SH3D21: variants seen among roughly 807,000 people sequenced by gnomAD.
SH3D21 encodes the protein SH3 domain-containing protein 21.
Under a neutral mutation model 82.1 loss-of-function variants are expected in SH3D21, and 83 were observed. The ratio of observed to expected loss-of-function variants is 1.01; its 90% CI spans 0.85 to 1.21. The LOEUF is 1.21. SH3D21 is among the 50% of genes most tolerant of loss of function. SH3D21 has a pLI of 0.00. For missense variants in SH3D21, 980 were observed against 962.1 expected (o/e 1.02, Z -0.25); for synonymous variants, 383 against 387.8 (o/e 0.99, Z 0.15).
At chr1:36,318,996 A>G (rs1254957150) in intron 10 of SH3D21, 75 bp from the exon 11 acceptor site, 3 of 851,072 alleles carry the variant, frequency 3.5e-6, no homozygotes, top group Non-Finnish European at 3.9e-6. Context: ...CCTCCTGCCC[A>G]TAGTCCCCTG....
At chr1:36,329,704 GAA>G (rs891837215), downstream of SH3D21, among the ~76,000 whole-genome samples, 1 of 148,960 alleles carries the variant, frequency 6.7e-6, no homozygotes, top group African/African-American at 2.5e-5. Flanking sequence ...TGAACACAAT[GAA>G]AAAAAAAATG....
At chr1:36,311,648 A>G (rs1445403978) in intron 10 of SH3D21, among the ~76,000 whole-genome samples, 2 of 152,098 alleles carry the variant, frequency 1.3e-5, no homozygotes, top group Admixed American at 6.6e-5. Flanking sequence ...GAGTTGTTCC[A>G]GCATCATTTA....
downstream of SH3D21, chr1:36,323,144 C>G (rs559171733): frequency 1.3e-5 from 17 of 1,259,292 alleles, no homozygotes; most frequent in Non-Finnish European, 1.7e-5. Flanking sequence ...GCTCCTCTCC[C>G]GGGAGCCGCG....
chr1:36,308,003 C>T, intron 7 of SH3D21, 40 bp downstream of exon 7: 2 of 1,551,392 alleles, frequency 1.3e-6, no homozygotes, highest in Non-Finnish European at 1.7e-6. Context: ...CCCTCAGCCA[C>T]TCCCAAGGTT....
rs1413739545 is a variant in SH3D21 at position 36,307,255 on chromosome 1, A to T, written c.315A>T (p.Gln105His). The T allele has an allele frequency of 6.4e-7, 1 of 1,551,826 alleles. No homozygotes were observed. Among genetic ancestry groups the T allele is most frequent in the Admixed American group, 2.0e-5 (1 of 51,012 alleles). ...AGCAGGCGGACGAGCTGAAGCTGCA[A>T]GCTGGGGAGATCGTGGAAATGATAA... is the stretch of plus-strand genomic sequence containing the variant. ...SPEQADELKL[Q>H]AGEIVEMIKE... The change falls in exon 4 of 16, where the codon CAA becomes CAT. Residue 105 changes from glutamine to histidine, a missense_variant. By Grantham distance (24) the Gln-to-His change is conservative. Transcript: ENST00000453908. This position sits in a 1 kb window ranked among gnomAD's most constrained non-coding sequence, Gnocchi z 5.4.
At chr1:36,322,167 G>T, downstream of SH3D21, 2 of 1,358,520 alleles carry the variant, frequency 1.5e-6, no homozygotes, top group Non-Finnish European at 1.9e-6. Flanking sequence ...GCCTCTCAGG[G>T]GGTGGCGGTC....
chr1:36,307,599 G>T lies in SH3D21; in HGVS notation c.428G>T (p.Gly143Val). Residue 143 changes from glycine (G) to valine (V), a missense_variant, in exon 5 of 16, where the codon GGG becomes GTG. Gly to Val is a moderately radical substitution (Grantham distance 109). Transcript: ENST00000453908. The surrounding 1 kb of genome is among the most constrained non-coding windows in gnomAD (Gnocchi z 5.4). Reference protein sequence around the residue: ...PSNFVELLDSGPPSLGNPDMP... With the variant: ...PSNFVELLDSVPPSLGNPDMP... ...AACTTTGTGGAATTGCTGGACAGTGGGCCCCCAAGTGAGACCTCGACTCTG... is the reference window on the plus strand; with the variant it reads ...AACTTTGTGGAATTGCTGGACAGTGTGCCCCCAAGTGAGACCTCGACTCTG... 2 of 1,551,560 alleles carry T rather than the reference G, an allele frequency of 1.3e-6. No homozygotes were observed. Among genetic ancestry groups the T allele is most frequent in the South Asian group, 2.4e-5 (2 of 84,046 alleles).
downstream of SH3D21, chr1:36,322,036 A>C (rs1161541332): frequency 3.1e-6 from 4 of 1,296,922 alleles, no homozygotes; most frequent in Non-Finnish European, 3.9e-6. Flanking sequence ...TGAGTCACTG[A>C]GAATGCAGCT....
Position 36,309,679 on chromosome 1 carries a change from G to C in SH3D21, c.769+89G>C, listed in dbSNP as rs556912993. ...TATAAACACCCACAGCACCCCAGTG[G>C]TCCAGTATGCCCCTATAGGAGCCCC... On this transcript the variant is annotated intron_variant, in intron 10 of 15. Transcript: ENST00000453908. The C allele has an allele frequency of 6.9e-6, 10 of 1,446,996 alleles. No homozygotes were observed. The East Asian group carries it at 2.5e-4, about 36-fold the overall frequency. The allele number at this position is 1,446,996 out of a possible 1,614,324, so 89.6% of individuals were successfully genotyped here.
downstream of SH3D21, chr1:36,322,771 G>A (rs763397436): frequency 4.5e-4 from 691 of 1,529,630 alleles, no homozygotes; most frequent in Non-Finnish European, 5.8e-4. Flanking sequence ...GGACGGGTGG[G>A]GGTTGTCCCA....
At chr1:36,312,561 ATT>A (rs946965501) in intron 10 of SH3D21, among the ~76,000 whole-genome samples, 1 of 152,162 alleles carries the variant, frequency 6.6e-6, no homozygotes, top group African/African-American at 2.4e-5. Flanking sequence ...GTGAATAATA[ATT>A]TTTGTGTCAT....
At chr1:36,323,849 C>T (rs1646512139), downstream of SH3D21, 1 of 152,252 alleles carries the variant, frequency 6.6e-6, no homozygotes, top group Non-Finnish European at 1.5e-5. Flanking sequence ...GCTCTGCCTG[C>T]GTGCGGGCCA....
chr1:36,326,520 G>A (rs899456870), downstream of SH3D21, among the ~76,000 whole-genome samples: 10 of 152,186 alleles, frequency 6.6e-5, no homozygotes, highest in Admixed American at 2.6e-4. Flanking sequence ...GTGAGCCACC[G>A]TGCCCGGCCA....
Position 36,319,924 on chromosome 1 carries a change from A to T in SH3D21, c.1261A>T (p.Thr421Ser), listed in dbSNP as rs200247336. ...AGTCCCCACCCCAGAGAAGATGGTG[A>T]CTCCGGAGGACAAGGCTTCTATCCC... ...DKVPTPEKMV[T>S]PEDKASIPEN... The change falls in exon 14 of 16, where the codon ACT becomes TCT. Residue 421 changes from threonine (T) to serine (S), a missense_variant. By Grantham distance (58) the Thr-to-Ser change is moderately conservative. Coordinates refer to ENST00000453908, the MANE Select transcript of SH3D21 (RefSeq NM_001162530.2). The T allele has an allele frequency of 3.1e-6, 5 of 1,613,980 alleles. No individual in the cohort carries two copies. Among genetic ancestry groups the T allele is most frequent in the Non-Finnish European group, 3.4e-6 (4 of 1,179,974 alleles).
At chr1:36,325,568 G>A (rs1428826895), downstream of SH3D21, among the ~76,000 whole-genome samples, 3 of 151,490 alleles carry the variant, frequency 2.0e-5, no homozygotes, top group Non-Finnish European at 4.4e-5. Context: ...TTTTTGAGAC[G>A]GAGTCTCGCT....
chr1:36,327,958 C>A (rs986094831), downstream of SH3D21: 4 of 948,362 alleles, frequency 4.2e-6, no homozygotes, highest in Non-Finnish European at 5.9e-6. Context: ...GATCTCTGCA[C>A]GTGTGTCACC....
chr1:36,306,401 TG>T lies in SH3D21; in HGVS notation c.-18del. ...GCCGTCAGAGGGAGCTGCCAGGCTC[TG>T]GAGGGCGCCCCGGAAACCATGGGTA... On this transcript the variant is annotated 5_prime_UTR_variant, in exon 1 of 16. Transcript: ENST00000453908. The surrounding 1 kb of genome is among the most constrained non-coding windows in gnomAD (Gnocchi z 4.5). 6 of 1,305,440 alleles carry T rather than the reference TG, an allele frequency of 4.6e-6. No individual in the cohort carries two copies. The highest frequency in any genetic ancestry group is 6.1e-6 in the Non-Finnish European group (6 of 988,968). 80.9% of individuals were successfully genotyped at this position (1,305,440 alleles called of 1,614,324 possible). A position where few individuals can be genotyped will look rare whatever the true frequency, so the allele number is the denominator to read the frequency against.
chr1:36,327,090 G>A (rs962062012), downstream of SH3D21, among the ~76,000 whole-genome samples: 3 of 152,170 alleles, frequency 2.0e-5, no homozygotes, highest in Non-Finnish European at 4.4e-5. Context: ...AGCCCATTGA[G>A]GGGTCTCCTG....
chr1:36,326,017 T>A (rs1225866608), downstream of SH3D21, among the ~76,000 whole-genome samples: 1 of 152,148 alleles, frequency 6.6e-6, no homozygotes, highest in Non-Finnish European at 1.5e-5. Flanking sequence ...GGAGTGGCTC[T>A]CACAGGGACA....
Sources: allele counts gnomAD v4.1 joint callset (sites outside exome capture counted in the v4.1 genomes callset), GRCh38; gene constraint gnomAD v4.1.1; non-coding constraint Gnocchi (gnomAD v3.1); transcripts MANE v1.5; gene names NCBI Gene and HGNC (gene_info 2026-07-23, HGNC 2026-07-21).